Variants in PXK observed in about 807,000 individuals in gnomAD.
PXK encodes the protein PX domain-containing protein kinase-like protein.
A neutral mutation model predicts 84.7 loss-of-function variants in PXK; 35 were observed. The ratio of observed to expected loss-of-function variants is 0.41; its 90% confidence interval spans 0.32 to 0.55. The LOEUF (loss-of-function observed/expected upper bound fraction) is 0.55. PXK is among the 20% of genes least tolerant of loss of function. PXK has a pLI of 0.21. For synonymous variants in PXK, 253 were observed against 260.8 expected, an observed-to-expected ratio of 0.97 and a Z score of 0.29; for missense variants, 634 against 699.7, an observed-to-expected ratio of 0.91 and a Z score of 1.06.
chr3:58,398,690 G>A lies in PXK; in HGVS notation c.1103-609G>A, dbSNP rs868445307. Among the ~76,000 whole-genome samples the A allele has an allele frequency of 6.6e-6, 1 of 152,180 alleles. No individual in the cohort carries two copies. Among genetic ancestry groups the A allele is most frequent in the Non-Finnish European group, 1.5e-5 (1 of 68,026 alleles). On this transcript the variant is annotated intron_variant, in intron 11 of 17. Transcript: ENST00000356151. This position sits in a 1 kb window ranked among gnomAD's most constrained non-coding sequence, Gnocchi z 4.5. ...ACAGCTGGAGCAGAGAGAGGGGAGG[G>A]CAGGGTGGCTCTTGGACCCCTGTGC...
At position 58,397,627 on chromosome 3, in the gene PXK, A is replaced by G. The variant is rs1350178878; in HGVS notation, c.1007A>G (p.His336Arg). 6.2e-7 allele frequency: 1 copy of G among 1,613,928 alleles called. No individual in the cohort carries two copies. The highest frequency in any genetic ancestry group is 8.5e-7 in the Non-Finnish European group (1 of 1,179,930). Residue 336 changes from histidine (H) to arginine (R), a missense_variant, in exon 11 of 18, where the codon CAC becomes CGC. This residue lies in a region of PXK where 8 missense variants were observed against 30.9 expected (regional missense o/e 0.26). Transcript: ENST00000356151. The surrounding 1 kb of genome is among the most constrained non-coding windows in gnomAD (Gnocchi z 4.7). Reference protein sequence around the residue: ...KINTLESVDVHCFGHLLYEMT... With the variant: ...KINTLESVDVRCFGHLLYEMT... ...CAGACATTGGAAAGTGTGGATGTCC[A>G]CTGCTTTGGCCACTTACTGTATGAA...
At position 58,332,948 on chromosome 3, in the gene PXK, C is replaced by A; in HGVS notation, c.-41C>A. On this transcript the variant is annotated 5_prime_UTR_variant, in exon 1 of 18. Coordinates refer to ENST00000356151, the MANE Select transcript of PXK (RefSeq NM_017771.5). The surrounding 1 kb of genome is among the most constrained non-coding windows in gnomAD (Gnocchi z 5.6). ...CGGCGGGAGTCGGCGCCTCGGGTTC[C>A]TACCTCGCGTCCCTAGGCGGCGGCG... 7.7e-7 allele frequency: 1 copy of A among 1,290,404 alleles called. No individual in the cohort carries two copies. The allele number at this position is 1,290,404 out of a possible 1,614,324, so 79.9% of individuals were successfully genotyped here.
chr3:58,379,937 A>C lies in PXK; in HGVS notation c.202-2577A>C, dbSNP rs1311029161. Among the ~76,000 whole-genome samples the C allele has an allele frequency of 6.6e-6, 1 of 152,058 alleles. No homozygotes were observed. Among genetic ancestry groups the C allele is most frequent in the African/African-American group, 2.4e-5 (1 of 41,406 alleles). Reference sequence around the variant, plus strand: ...CAGTGAGCGGTGATCATGCCACTGCACTTTAGCCTGGGTGACAGGGTGAGA... The same window carrying C: ...CAGTGAGCGGTGATCATGCCACTGCCCTTTAGCCTGGGTGACAGGGTGAGA... On this transcript the variant is annotated intron_variant, in intron 3 of 17. Transcript: ENST00000356151. The surrounding 1 kb of genome is among the most constrained non-coding windows in gnomAD (Gnocchi z 5.1).
rs1045680849 is a variant in PXK at position 58,397,386 on chromosome 3, G to A, written c.984+186G>A. ...TTGAAATGGCGGGTGGGGTAAGGAG[G>A]GAGGTGGACTCACTGATTGGAAAAC... is the stretch of plus-strand genomic sequence containing the variant. On this transcript the variant is annotated intron_variant, in intron 10 of 17. Coordinates refer to ENST00000356151, the MANE Select transcript of PXK (RefSeq NM_017771.5). The surrounding 1 kb of genome is among the most constrained non-coding windows in gnomAD (Gnocchi z 4.7). 2.0e-5 allele frequency among the ~76,000 whole-genome samples: 3 copies of A among 152,162 alleles called. No individual in the cohort carries two copies. The highest frequency in any genetic ancestry group is 2.1e-4 in the South Asian group (1 of 4,822).
At chr3:58,381,076 G>A (rs1264209451) in intron 3 of PXK, among the ~76,000 whole-genome samples, 2 of 151,776 alleles carry the variant, frequency 1.3e-5, no homozygotes, top group Non-Finnish European at 1.5e-5. Flanking sequence ...GTGAAATCCC[G>A]TCTCTACTAA....
Position 58,349,968 on chromosome 3 carries a change from G to C in PXK, c.103-15906G>C, listed in dbSNP as rs554972492. Reference sequence around the variant, plus strand: ...GTCCCAGAGCCTCTGTGGTTTTTAAGAGTAACACACAGGAAGGAAGCTCAC... The same window carrying C: ...GTCCCAGAGCCTCTGTGGTTTTTAACAGTAACACACAGGAAGGAAGCTCAC... On this transcript the variant is annotated intron_variant, in intron 1 of 17. Coordinates refer to ENST00000356151, the MANE Select transcript of PXK (RefSeq NM_017771.5). Among the ~76,000 whole-genome samples, 9 of 152,294 alleles carry C rather than the reference G, an allele frequency of 5.9e-5. No individual in the cohort carries two copies. In the East Asian group the frequency reaches 1.7e-3, roughly 29 times the overall value.
chr3:58,404,152 T>A (rs753877379), intron 13 of PXK, among the ~76,000 whole-genome samples: 11 of 152,102 alleles, frequency 7.2e-5, no homozygotes, highest in Non-Finnish European at 1.3e-4. Context: ...TGTGCTTAGG[T>A]ATAAAAAAAT....
At position 58,416,096 on chromosome 3, in the gene PXK, GTCT is replaced by G. The variant is rs1361283136; in HGVS notation, c.1528+3138_1528+3140del. ...TGGGATTGATAATAGGTACAGTTTA[GTCT>G]TCTTTTCCTCCTAATCTGGGATCTT... On this transcript the variant is annotated intron_variant, in intron 17 of 17. Transcript: ENST00000356151. This position sits in a 1 kb window ranked among gnomAD's most constrained non-coding sequence, Gnocchi z 4.8. 6.6e-6 allele frequency among the ~76,000 whole-genome samples: 1 copy of G among 152,204 alleles called. No individual in the cohort carries two copies. The highest frequency in any genetic ancestry group is 1.5e-5 in the Non-Finnish European group (1 of 68,032).
In PXK at chr3:58,392,601, C is replaced by T. The variant is rs545279621; in HGVS notation, c.615+754C>T. Reference sequence around the variant, plus strand: ...GAGGTGCAATGTGAGGCCAAAAAGACGCTTTAGTCTTAGAGCTTGATTGGT... The same window carrying T: ...GAGGTGCAATGTGAGGCCAAAAAGATGCTTTAGTCTTAGAGCTTGATTGGT... On this transcript the variant is annotated intron_variant, in intron 7 of 17. Coordinates refer to ENST00000356151, the MANE Select transcript of PXK (RefSeq NM_017771.5). Among the ~76,000 whole-genome samples the T allele has an allele frequency of 3.9e-5, 6 of 151,958 alleles. No individual in the cohort carries two copies. The East Asian group carries it at 5.8e-4, about 15-fold the overall frequency.
chr3:58,421,162 C>G lies in PXK; in HGVS notation c.1529-3590C>G, dbSNP rs1270964598. On this transcript the variant is annotated intron_variant, in intron 17 of 17. Coordinates refer to ENST00000356151, the MANE Select transcript of PXK (RefSeq NM_017771.5). This position sits in a 1 kb window ranked among gnomAD's most constrained non-coding sequence, Gnocchi z 5.5. ...TCTCTCCTGAGGGTGGCTGGTAAGT[C>G]TGGTGTTACCCTAGTGTGGTCTCAT... 1.5e-5 allele frequency: 15 copies of G among 985,270 alleles called. No homozygotes were observed. The South Asian group carries it at 7.0e-4, about 46-fold the overall frequency. The allele number at this position is 985,270 out of a possible 1,614,324, so 61.0% of individuals were successfully genotyped here. A position where few individuals can be genotyped will look rare whatever the true frequency, so the allele number is the denominator to read the frequency against.
At chr3:58,424,583 C>T (rs1250049760) in intron 17 of PXK, among the ~76,000 whole-genome samples, 169 bp from the exon 18 acceptor site, 3 of 152,190 alleles carry the variant, frequency 2.0e-5, no homozygotes, top group South Asian at 4.1e-4. Flanking sequence ...CCCTTTGATG[C>T]TTCTAGCTTT....
chr3:58,423,047 G>T, intron 17 of PXK: 1 of 985,388 alleles, frequency 1.0e-6, no homozygotes, highest in South Asian at 4.7e-5. Flanking sequence ...TTACCCCCAA[G>T]TGGGCAGAGC....
At chr3:58,410,051 T>C (rs1201041991) in intron 15 of PXK, 39 bp from the exon 16 acceptor site, 11 of 1,345,562 alleles carry the variant, frequency 8.2e-6, no homozygotes, top group African/African-American at 5.7e-5. Context: ...ATTCTTTGCT[T>C]TCCTCTCCCT....
chr3:58,369,400 GA>G, intron 2 of PXK, 30 bp from the exon 3 acceptor site: 1 of 1,565,796 alleles, frequency 6.4e-7, no homozygotes, highest in Non-Finnish European at 8.8e-7. Flanking sequence ...AGTCTTTGCT[GA>G]ATCAAAACAC....
At chr3:58,388,058 T>C (rs1278829966) in intron 4 of PXK, among the ~76,000 whole-genome samples, 1 of 152,130 alleles carries the variant, frequency 6.6e-6, no homozygotes. Context: ...TAAAGGCTTC[T>C]AAGCAAAGGA....
intron 2 of PXK, among the ~76,000 whole-genome samples, chr3:58,368,008 T>C (rs1337458286): frequency 2.0e-5 from 3 of 151,500 alleles, no homozygotes; most frequent in Non-Finnish European, 4.4e-5. Context: ...TTTTTTTAAT[T>C]TTTAGTTTTG....
intron 6 of PXK, 42 bp downstream of exon 6, chr3:58,391,262 A>G (rs778710855): frequency 6.1e-5 from 92 of 1,518,102 alleles, no homozygotes; most frequent in Non-Finnish European, 8.1e-5. Context: ...GTGACTTTAG[A>G]TGGGTTAATG....
chr3:58,417,855 T>C (rs756891591), intron 17 of PXK, among the ~76,000 whole-genome samples: 3 of 152,262 alleles, frequency 2.0e-5, no homozygotes, highest in Admixed American at 6.5e-5. Context: ...GCTATCTGTT[T>C]TTTTGAGACA....
chr3:58,409,625 C>T lies in PXK; in HGVS notation c.1395+7C>T. 6.2e-7 allele frequency: 1 copy of T among 1,606,182 alleles called. No individual in the cohort carries two copies. Among genetic ancestry groups the T allele is most frequent in the Non-Finnish European group, 8.5e-7 (1 of 1,175,222 alleles). On this transcript the variant is annotated splice_region_variant and intron_variant, in intron 15 of 17. Coordinates refer to ENST00000356151, the MANE Select transcript of PXK (RefSeq NM_017771.5). The surrounding 1 kb of genome is among the most constrained non-coding windows in gnomAD (Gnocchi z 4.2). The stretch of plus-strand genomic sequence containing the variant: ...AAAGATTTTAGCTCGAAAGGTAAGC[C>T]TGCTGTCTCTCTGCAGTCCCTCTAT...
Sources: gnomAD v4.1 joint callset for allele counts (sites outside exome capture counted in the v4.1 genomes callset) on GRCh38, gnomAD v4.1.1 for gene constraint, gnomAD v4.1.1 regional missense constraint, Gnocchi (gnomAD v3.1) non-coding constraint, MANE v1.5 for transcripts, NCBI Gene and HGNC (gene_info 2026-07-23, HGNC 2026-07-21) for gene names.